Variants in HYCC2 observed in about 807,000 individuals in gnomAD.
HYCC2 encodes the protein hyccin PI4KA lipid kinase complex subunit 2.
the HYCC2 span, among the ~76,000 whole-genome samples, chr2:201,062,519 C>T: frequency 2.6e-5 from 4 of 151,886 alleles, no homozygotes; most frequent in East Asian, 3.9e-4. Context: ...GTGGTGGTGG[C>T]GGGCACCTGT....
the HYCC2 span, among the ~76,000 whole-genome samples, chr2:201,036,349 T>C: frequency 2.0e-5 from 3 of 152,292 alleles, no homozygotes; most frequent in African/African-American, 4.8e-5. Context: ...TCTAAAACTA[T>C]TCCAATCAAC....
chr2:200,978,628 A>G, the HYCC2 span: 1 of 151,838 alleles, frequency 6.6e-6, no homozygotes, highest in Non-Finnish European at 1.5e-5. Flanking sequence ...GGCGCCTGCC[A>G]CCACGCCCAG....
At chr2:200,974,262 A>T in the HYCC2 span, 1 of 152,120 alleles carries the variant, frequency 6.6e-6, no homozygotes, top group East Asian at 1.9e-4. Flanking sequence ...TATGAAGCAA[A>T]CATATGAAAG....
the HYCC2 span, chr2:200,992,814 G>A: frequency 2.1e-6 from 2 of 931,618 alleles, no homozygotes; most frequent in Non-Finnish European, 3.5e-6. Context: ...TGTCGGATAA[G>A]GAAGAAAGAG....
the HYCC2 span, among the ~76,000 whole-genome samples, chr2:200,984,390 C>G: frequency 0.047 from 7,210 of 152,224 alleles, 549 homozygotes; most frequent in African/African-American, 0.16. Context: ...ATAGAATGTA[C>G]TTGACAATCA....
chr2:201,031,848 G>A, the HYCC2 span, among the ~76,000 whole-genome samples: 1 of 152,092 alleles, frequency 6.6e-6, no homozygotes, highest in Non-Finnish European at 1.5e-5. Context: ...TTCTGTTTCT[G>A]CAGAGACTTG....
chr2:200,988,759 AT>A, the HYCC2 span, among the ~76,000 whole-genome samples: 123 of 152,334 alleles, frequency 8.1e-4, no homozygotes, highest in Non-Finnish European at 1.3e-3. Context: ...TCTGATAAAC[AT>A]TAGGATGTTC....
the HYCC2 span, chr2:201,061,404 C>G: frequency 2.0e-5 from 3 of 151,796 alleles, no homozygotes; most frequent in Non-Finnish European, 4.4e-5. Flanking sequence ...TGCACTCCAG[C>G]CTGGGAGAGC....
the HYCC2 span, chr2:201,008,967 C>T: frequency 6.4e-7 from 1 of 1,562,058 alleles, no homozygotes; most frequent in Non-Finnish European, 8.8e-7. Flanking sequence ...CAGTTTTGAC[C>T]ATTACCGGTT....
At chr2:201,003,672 G>T in the HYCC2 span, among the ~76,000 whole-genome samples, 1 of 149,992 alleles carries the variant, frequency 6.7e-6, no homozygotes. Flanking sequence ...TCGCGCCACT[G>T]CACTCCAGCC....
At chr2:201,009,022 C>T in the HYCC2 span, 6 of 1,613,846 alleles carry the variant, frequency 3.7e-6, no homozygotes, top group African/African-American at 6.7e-5. Context: ...TCACTATAAA[C>T]AACTCTGATG....
At chr2:200,993,337 A>G in the HYCC2 span, among the ~76,000 whole-genome samples, 3 of 152,118 alleles carry the variant, frequency 2.0e-5, no homozygotes, top group Non-Finnish European at 4.4e-5. Flanking sequence ...ACTTTTACTC[A>G]CCCCAAATTG....
chr2:201,020,319 A>G, the HYCC2 span, among the ~76,000 whole-genome samples: 2 of 152,186 alleles, frequency 1.3e-5, no homozygotes, highest in Non-Finnish European at 2.9e-5. Flanking sequence ...AAGAGACATG[A>G]TATTTGATGA....
chr2:200,982,308 T>C, the HYCC2 span, among the ~76,000 whole-genome samples: 367 of 152,128 alleles, frequency 2.4e-3, 3 homozygotes, highest in African/African-American at 8.5e-3. Context: ...CTCTTCTAAT[T>C]CCAGTTATCC....
chr2:201,047,849 A>C, the HYCC2 span, among the ~76,000 whole-genome samples: 1 of 151,468 alleles, frequency 6.6e-6, no homozygotes, highest in African/African-American at 2.4e-5. Flanking sequence ...TATGCCCAGC[A>C]AAACTATCCT....
the HYCC2 span, among the ~76,000 whole-genome samples, chr2:200,998,641 A>G: frequency 1.3e-5 from 2 of 152,224 alleles, no homozygotes; most frequent in East Asian, 3.8e-4. Flanking sequence ...CTTTCCTAAC[A>G]TTTATAATGT....
the HYCC2 span, chr2:200,997,464 G>C: frequency 6.2e-7 from 1 of 1,609,942 alleles, no homozygotes; most frequent in Non-Finnish European, 8.5e-7. Flanking sequence ...ATCCGACAAA[G>C]AGATTGGTAA....
the HYCC2 span, among the ~76,000 whole-genome samples, chr2:200,994,330 C>CAGTT: frequency 6.6e-6 from 1 of 152,072 alleles, no homozygotes. Context: ...CTCTGCCTCC[C>CAGTT]AGTTTCAAGC....
the HYCC2 span, among the ~76,000 whole-genome samples, chr2:201,028,038 A>T: frequency 1.3e-5 from 2 of 152,332 alleles, no homozygotes; most frequent in East Asian, 1.9e-4. Flanking sequence ...CTCTTTGCAG[A>T]TGACATTATT....
Sources: gnomAD v4.1 joint callset for allele counts (sites outside exome capture counted in the v4.1 genomes callset) on GRCh38, gnomAD v4.1.1 for gene constraint, MANE v1.5 for transcripts, NCBI Gene and HGNC (gene_info 2026-07-23, HGNC 2026-07-21) for gene names.